The following HTR3B variants were observed in gnomAD, a reference collection of about 807,000 sequenced individuals.
HTR3B encodes the protein 5-hydroxytryptamine (serotonin) receptor 3B, ionotropic.
Under a neutral mutation model 42.8 loss-of-function variants are expected in HTR3B, and 44 were observed. That is an observed-to-expected ratio of 1.03 (90% CI 0.81 to 1.32). The LOEUF (loss-of-function observed/expected upper bound fraction) is 1.32. Among genes scored for constraint, HTR3B ranks in the 40% most tolerant of loss-of-function variants. The pLI is 0.00. For synonymous variants in HTR3B, 203 were observed against 209.0 expected, an observed-to-expected ratio of 0.97 and a Z score of 0.25; for missense variants, 527 against 536.5, an observed-to-expected ratio of 0.98 and a Z score of 0.17.
upstream of HTR3B, among the ~76,000 whole-genome samples, chr11:113,900,648 C>T (rs1207414871): frequency 6.6e-6 from 1 of 152,132 alleles, no homozygotes; most frequent in African/African-American, 2.4e-5. Context: ...CATGGGCCAC[C>T]ATGCCCAGCT....
At chr11:113,918,873 TC>T (rs1248832286) in intron 2 of HTR3B, among the ~76,000 whole-genome samples, 1 of 152,132 alleles carries the variant, frequency 6.6e-6, no homozygotes, top group African/African-American at 2.4e-5. Flanking sequence ...ACCAGTCTGG[TC>T]TTAAACTCTT....
At chr11:113,939,668 G>T (rs1950118541) in intron 6 of HTR3B, among the ~76,000 whole-genome samples, 1 of 152,130 alleles carries the variant, frequency 6.6e-6, no homozygotes, top group African/African-American at 2.4e-5. Flanking sequence ...GGGTGGAGAG[G>T]TGTCATCTCA....
chr11:113,913,904 G>GGA (rs1394390151), intron 2 of HTR3B, among the ~76,000 whole-genome samples: 10 of 152,132 alleles, frequency 6.6e-5, no homozygotes, highest in South Asian at 2.1e-4. Context: ...ATAAGAAGAG[G>GGA]GAGAGAAAGC....
At chr11:113,922,689 G>C (rs933244732) in intron 2 of HTR3B, among the ~76,000 whole-genome samples, 2 of 151,884 alleles carry the variant, frequency 1.3e-5, no homozygotes, top group Non-Finnish European at 2.9e-5. Flanking sequence ...CTGAGTAGCT[G>C]GGACTACAGG....
chr11:113,944,555 T>A lies in HTR3B; in HGVS notation c.908-18T>A. The A allele has an allele frequency of 6.2e-7, 1 of 1,607,682 alleles. No individual in the cohort carries two copies. The highest frequency in any genetic ancestry group is 1.1e-5 in the South Asian group (1 of 90,934). On this transcript the variant is annotated intron_variant, in intron 7 of 8. Coordinates refer to ENST00000260191, the MANE Select transcript of HTR3B (RefSeq NM_006028.5). ...TTTCAGACTGGAGGCTAACTGCACC[T>A]CTTCTGGCTTCTCTCAGGGCACTTC...
At chr11:113,933,547 T>G (rs1300545299) in intron 6 of HTR3B, among the ~76,000 whole-genome samples, 2 of 152,168 alleles carry the variant, frequency 1.3e-5, no homozygotes, top group Non-Finnish European at 2.9e-5. Flanking sequence ...ACGATAATAT[T>G]ATTAACTTGA....
chr11:113,918,545 T>C, intron 2 of HTR3B, among the ~76,000 whole-genome samples: 1 of 152,152 alleles, frequency 6.6e-6, no homozygotes, highest in Admixed American at 6.6e-5. Context: ...TTTAGCATAA[T>C]TCCCTTATGG....
At chr11:113,910,622 G>A (rs138178647) in intron 2 of HTR3B, among the ~76,000 whole-genome samples, 9,461 of 151,514 alleles carry the variant, frequency 0.062, 333 homozygotes, top group African/African-American at 0.08. Context: ...TGTATTTTTA[G>A]TAGAGACGGG....
intron 2 of HTR3B, among the ~76,000 whole-genome samples, chr11:113,910,442 CT>C (rs34377344): frequency 0.31 from 42,405 of 135,888 alleles, 5,682 homozygotes; most frequent in African/African-American, 0.4. Context: ...ATTTCTCTCT[CT>C]TTTTTTTTTT....
chr11:113,922,489 C>T (rs1949925567), intron 2 of HTR3B, among the ~76,000 whole-genome samples: 1 of 152,138 alleles, frequency 6.6e-6, no homozygotes, highest in Non-Finnish European at 1.5e-5. Flanking sequence ...TCACCTCAGC[C>T]TCCCAAAGTG....
At chr11:113,937,649 A>T (rs1292395348) in intron 6 of HTR3B, among the ~76,000 whole-genome samples, 1 of 152,260 alleles carries the variant, frequency 6.6e-6, no homozygotes, top group Non-Finnish European at 1.5e-5. Flanking sequence ...AGGAGGCTGC[A>T]AGGTGACTGG....
chr11:113,937,771 C>A (rs1950102537), intron 6 of HTR3B, among the ~76,000 whole-genome samples: 1 of 152,244 alleles, frequency 6.6e-6, no homozygotes, highest in African/African-American at 2.4e-5. Context: ...CCATTCTTTG[C>A]CATTTGCCCA....
At chr11:113,913,224 C>T (rs949982653) in intron 2 of HTR3B, among the ~76,000 whole-genome samples, 6 of 151,188 alleles carry the variant, frequency 4.0e-5, no homozygotes, top group African/African-American at 1.5e-4. Context: ...GACAAAGTCT[C>T]AAAGGCTGGA....
intron 6 of HTR3B, among the ~76,000 whole-genome samples, chr11:113,936,821 G>A (rs536694959): frequency 7.9e-4 from 121 of 152,214 alleles, no homozygotes; most frequent in Middle Eastern, 3.4e-3. Context: ...TCATAAAGAC[G>A]GTCATGCAAA....
chr11:113,941,948 A>G (rs900336322), intron 6 of HTR3B, among the ~76,000 whole-genome samples: 2 of 152,188 alleles, frequency 1.3e-5, no homozygotes, highest in South Asian at 2.1e-4. Context: ...CACACCTTGC[A>G]GATAGTCTCA....
At chr11:113,942,943 C>T in intron 6 of HTR3B, 39 bp from the exon 7 acceptor site, 1 of 1,586,524 alleles carries the variant, frequency 6.3e-7, no homozygotes, top group South Asian at 1.1e-5. Context: ...GTCTGTTGGC[C>T]TAGATCCTCT....
intron 2 of HTR3B, among the ~76,000 whole-genome samples, chr11:113,926,468 T>TTTTCA (rs1949973961): frequency 1.2e-5 from 1 of 80,312 alleles, no homozygotes. Flanking sequence ...CTTTCCTTTC[T>TTTTCA]TTTCCTTTCC....
At chr11:113,902,260 G>A (rs17400391), upstream of HTR3B, among the ~76,000 whole-genome samples, 3,651 of 152,130 alleles carry the variant, frequency 0.024, 125 homozygotes, top group African/African-American at 0.081. Context: ...ATAAGTTAGC[G>A]ACATGATCAA....
intron 2 of HTR3B, among the ~76,000 whole-genome samples, chr11:113,910,042 T>A (rs1010757711): frequency 6.7e-6 from 1 of 148,634 alleles, no homozygotes; most frequent in Non-Finnish European, 1.5e-5. Flanking sequence ...ACATATTGTA[T>A]GAATATTGCT....
Sources: allele counts gnomAD v4.1 joint callset (sites outside exome capture counted in the v4.1 genomes callset), GRCh38; gene constraint gnomAD v4.1.1; transcripts MANE v1.5; gene names NCBI Gene and HGNC (gene_info 2026-07-23, HGNC 2026-07-21).